Variants in HIVEP2 observed in about 807,000 individuals in gnomAD.
HIVEP2 encodes the protein HIVEP zinc finger 2.
In HIVEP2, 14 loss-of-function variants were observed where a neutral mutation model predicts 180.7. That is an observed-to-expected ratio of 0.08 (90% CI 0.05 to 0.12). The LOEUF (loss-of-function observed/expected upper bound fraction) is 0.12. Among genes scored for constraint, HIVEP2 ranks in the 10% least tolerant of loss-of-function variants. The pLI is 1.00. For synonymous variants in HIVEP2, 1,184 were observed against 1,136.4 expected, an observed-to-expected ratio of 1.04 and a Z score of -0.84; for missense variants, 2,579 against 3,008.5, an observed-to-expected ratio of 0.86 and a Z score of 3.34.
chr6:142,799,153 T>C (rs1755084807), intron 2 of HIVEP2, among the ~76,000 whole-genome samples: 1 of 152,182 alleles, frequency 6.6e-6, no homozygotes, highest in African/African-American at 2.4e-5. Flanking sequence ...CATGAAATAT[T>C]ACTTAAAGCA....
chr6:142,774,931 T>C lies in HIVEP2; in HGVS notation c.-193A>G. ...GATGGGCATTAGCTAGTAATGTCCTTGGACCAGGGCTATAACACAGTTCTC... is the reference window on the plus strand; with the variant it reads ...GATGGGCATTAGCTAGTAATGTCCTCGGACCAGGGCTATAACACAGTTCTC... On this transcript the variant is annotated 5_prime_UTR_variant, in exon 5 of 10. Coordinates refer to ENST00000367603, the MANE Select transcript of HIVEP2 (RefSeq NM_006734.4). This position sits in a 1 kb window ranked among gnomAD's most constrained non-coding sequence, Gnocchi z 5.1. The C allele has an allele frequency of 6.9e-7, 1 of 1,441,428 alleles. No individual in the cohort carries two copies. Among genetic ancestry groups the C allele is most frequent in the Admixed American group, 2.8e-5 (1 of 35,518 alleles). 89.3% of individuals were successfully genotyped at this position (1,441,428 alleles called of 1,614,324 possible).
chr6:142,945,343 G>C (rs1045953504), upstream of HIVEP2: 13 of 152,250 alleles, frequency 8.5e-5, no homozygotes, highest in African/African-American at 2.9e-4. The surrounding 1 kb of genome is among the most constrained non-coding windows in gnomAD (Gnocchi z 5.5). Context: ...CGCCCCCTCC[G>C]ACCCTCACCC....
At chr6:142,896,443 G>A (rs1776995570) in intron 1 of HIVEP2, among the ~76,000 whole-genome samples, 1 of 152,090 alleles carries the variant, frequency 6.6e-6, no homozygotes, top group Non-Finnish European at 1.5e-5. Context: ...CGGTCCCTAT[G>A]TAATCTAGAG....
intron 1 of HIVEP2, among the ~76,000 whole-genome samples, chr6:142,881,657 A>G (rs1776577097): frequency 6.6e-6 from 1 of 152,186 alleles, no homozygotes; most frequent in Admixed American, 6.6e-5. Flanking sequence ...GACCTCACAG[A>G]TCTCCTTCTC....
At chr6:142,755,389 A>T (rs966225690) in intron 9 of HIVEP2, among the ~76,000 whole-genome samples, 1 of 152,254 alleles carries the variant, frequency 6.6e-6, no homozygotes, top group Non-Finnish European at 1.5e-5. Flanking sequence ...CGTCTCCTTC[A>T]TCAAACACCA....
intron 1 of HIVEP2, among the ~76,000 whole-genome samples, chr6:142,845,084 A>G (rs934232866): frequency 1.3e-5 from 2 of 152,224 alleles, no homozygotes; most frequent in Non-Finnish European, 2.9e-5. Context: ...GTTGTCAAAA[A>G]TGTAACGTGT....
intron 1 of HIVEP2, among the ~76,000 whole-genome samples, chr6:142,863,364 T>G (rs1776055672): frequency 6.6e-6 from 1 of 151,914 alleles, no homozygotes; most frequent in Non-Finnish European, 1.5e-5. Context: ...TTCTTGACAT[T>G]AACACATTAA....
chr6:142,904,728 C>T (rs1777220535), intron 1 of HIVEP2, among the ~76,000 whole-genome samples: 1 of 152,172 alleles, frequency 6.6e-6, no homozygotes, highest in Admixed American at 6.5e-5. Context: ...TCTATTAATA[C>T]TGATATTTTA....
Position 142,770,610 on chromosome 6 carries a change from T to C in HIVEP2, c.4129A>G (p.Thr1377Ala). 7 of 1,614,206 alleles carry C rather than the reference T, an allele frequency of 4.3e-6. No individual in the cohort carries two copies. The highest frequency in any genetic ancestry group is 5.9e-6 in the Non-Finnish European group (7 of 1,180,030). Reference protein sequence around the residue: ...CKVDENMTQRTLVTNAAMQGI... With the variant: ...CKVDENMTQRALVTNAAMQGI... ...TGCATGGCTGCGTTGGTGACCAGTG[T>C]CCTTTGGGTCATATTCTCATCGACT... is the stretch of plus-strand genomic sequence containing the variant. Residue 1377 changes from threonine to alanine, a missense_variant, in exon 5 of 10, where the codon ACA becomes GCA. This residue lies in a region of HIVEP2 where 523 missense variants were observed against 577.0 expected (regional missense o/e 0.91). Transcript: ENST00000367603. This position sits in a 1 kb window ranked among gnomAD's most constrained non-coding sequence, Gnocchi z 4.7.
chr6:142,837,234 G>A (rs559209691), intron 1 of HIVEP2, among the ~76,000 whole-genome samples, 187 bp from the exon 2 acceptor site: 2 of 152,064 alleles, frequency 1.3e-5, no homozygotes, highest in Non-Finnish European at 2.9e-5. Context: ...CCAGTTTGGG[G>A]TAAAATGAAT....
At chr6:142,785,917 G>A (rs1775987761) in intron 2 of HIVEP2, among the ~76,000 whole-genome samples, 1 of 152,172 alleles carries the variant, frequency 6.6e-6, no homozygotes, top group Non-Finnish European at 1.5e-5. Flanking sequence ...AGATGAGCAT[G>A]ATTTTAAAGC....
chr6:142,817,247 T>TA (rs1223270013), intron 2 of HIVEP2, among the ~76,000 whole-genome samples: 1 of 152,222 alleles, frequency 6.6e-6, no homozygotes, highest in Non-Finnish European at 1.5e-5. Flanking sequence ...AAGCTCTGGC[T>TA]AAAATACTGT....
At chr6:142,766,717 A>G (rs1302623508) in intron 6 of HIVEP2, among the ~76,000 whole-genome samples, 4 of 152,194 alleles carry the variant, frequency 2.6e-5, no homozygotes, top group African/African-American at 9.6e-5. Context: ...TATAAATAAT[A>G]TATCATACAA....
rs747738758 is a variant in HIVEP2, at chr6:142,770,918, G to A, written c.3821C>T (p.Thr1274Met). 23 of 1,614,078 alleles carry A rather than the reference G, an allele frequency of 1.4e-5. No individual in the cohort carries two copies. The highest frequency in any genetic ancestry group is 1.3e-4 in the East Asian group (6 of 44,900). ...TGKKPAEYAHTKEQTYPCYSG... is the reference protein window; with the variant it reads ...TGKKPAEYAHMKEQTYPCYSG... ...ATAACATGGGTAGGTCTGCTCTTTCGTGTGTGCATACTCAGCAGGTTTCTT... is the reference window on the plus strand; with the variant it reads ...ATAACATGGGTAGGTCTGCTCTTTCATGTGTGCATACTCAGCAGGTTTCTT... Residue 1274 changes from threonine (T) to methionine (M), a missense_variant, in exon 5 of 10, where the codon ACG becomes ATG. This residue lies in a region of HIVEP2 where 523 missense variants were observed against 577.0 expected (regional missense o/e 0.91). Coordinates refer to ENST00000367603, the MANE Select transcript of HIVEP2 (RefSeq NM_006734.4). This position sits in a 1 kb window ranked among gnomAD's most constrained non-coding sequence, Gnocchi z 4.7.
At chr6:142,810,974 ATTC>A (rs1776683257) in intron 2 of HIVEP2, among the ~76,000 whole-genome samples, 1 of 152,126 alleles carries the variant, frequency 6.6e-6, no homozygotes. Context: ...CACATCAGGA[ATTC>A]TTCATCAGTC....
At chr6:142,804,795 G>T (rs1776505402) in intron 2 of HIVEP2, among the ~76,000 whole-genome samples, 1 of 151,406 alleles carries the variant, frequency 6.6e-6, no homozygotes, top group Admixed American at 6.6e-5. Flanking sequence ...ACAAAATAAG[G>T]CAGCCTAATA....
chr6:142,779,344 G>A (rs1007151403), intron 3 of HIVEP2, among the ~76,000 whole-genome samples: 10 of 152,198 alleles, frequency 6.6e-5, no homozygotes, highest in Non-Finnish European at 8.8e-5. Context: ...CAGGGGCTGG[G>A]CATGGTGGCT....
At chr6:142,806,946 C>G (rs550419436) in intron 2 of HIVEP2, among the ~76,000 whole-genome samples, 1 of 152,280 alleles carries the variant, frequency 6.6e-6, no homozygotes, top group Admixed American at 6.5e-5. Context: ...TTGCAATACC[C>G]AGCTCCTACT....
At chr6:142,761,699 C>T in intron 7 of HIVEP2, 134 bp from the exon 8 acceptor site, 1 of 663,772 alleles carries the variant, frequency 1.5e-6, no homozygotes, top group Admixed American at 2.2e-5. Flanking sequence ...TGTTTCTACC[C>T]ACTACCCCTT....
Sources: gnomAD v4.1 joint callset for allele counts (sites outside exome capture counted in the v4.1 genomes callset) on GRCh38, gnomAD v4.1.1 for gene constraint, gnomAD v4.1.1 regional missense constraint, Gnocchi (gnomAD v3.1) non-coding constraint, MANE v1.5 for transcripts, NCBI Gene and HGNC (gene_info 2026-07-23, HGNC 2026-07-21) for gene names.